ABTB3: variants seen among roughly 807,000 people sequenced by gnomAD.
The protein encoded by ABTB3 is ankyrin repeat and BTB domain containing 3.
chr12:107,623,663 G>A, the ABTB3 span, among the ~76,000 whole-genome samples: 82 of 152,154 alleles, frequency 5.4e-4, no homozygotes, highest in East Asian at 7.9e-3. Flanking sequence ...CACCACATCC[G>A]GCCTCTAGCT....
At chr12:107,345,121 G>A in the ABTB3 span, among the ~76,000 whole-genome samples, 2 of 152,162 alleles carry the variant, frequency 1.3e-5, no homozygotes, top group African/African-American at 4.8e-5. Context: ...TGGAAGGAGA[G>A]CCCCTTTTCA....
the ABTB3 span, among the ~76,000 whole-genome samples, chr12:107,470,741 G>C: frequency 6.6e-6 from 1 of 152,220 alleles, no homozygotes; most frequent in Non-Finnish European, 1.5e-5. Context: ...GGCTCTGGCT[G>C]GCTGGGCCTC....
At chr12:107,397,905 C>T in the ABTB3 span, among the ~76,000 whole-genome samples, 5 of 152,158 alleles carry the variant, frequency 3.3e-5, no homozygotes, top group Admixed American at 6.5e-5. Context: ...CCGTTCTGTG[C>T]TGCGTTGACA....
At chr12:107,487,882 A>T in the ABTB3 span, among the ~76,000 whole-genome samples, 1 of 151,932 alleles carries the variant, frequency 6.6e-6, no homozygotes, top group African/African-American at 2.4e-5. Context: ...AAGGGGTGAC[A>T]TTGGCAACAA....
chr12:107,611,479 T>C, the ABTB3 span, among the ~76,000 whole-genome samples: 1 of 152,220 alleles, frequency 6.6e-6, no homozygotes, highest in South Asian at 2.1e-4. Flanking sequence ...CTGGGCCCAG[T>C]GTCTTTTTTA....
chr12:107,424,463 A>G, the ABTB3 span, among the ~76,000 whole-genome samples: 193 of 152,308 alleles, frequency 1.3e-3, 1 homozygote, highest in African/African-American at 3.8e-3. Flanking sequence ...AGATGCAGTG[A>G]AAGAATTTAA....
At chr12:107,566,426 G>T in the ABTB3 span, among the ~76,000 whole-genome samples, 1 of 151,718 alleles carries the variant, frequency 6.6e-6, no homozygotes, top group African/African-American at 2.4e-5. Context: ...ACTCTGAAAG[G>T]GACTTGAGCC....
At chr12:107,451,630 G>C in the ABTB3 span, among the ~76,000 whole-genome samples, 29 of 152,062 alleles carry the variant, frequency 1.9e-4, no homozygotes, top group Non-Finnish European at 1.5e-5. Flanking sequence ...ACCCCTGCCT[G>C]GTTCCCCACC....
At chr12:107,454,588 C>T in the ABTB3 span, among the ~76,000 whole-genome samples, 4 of 152,164 alleles carry the variant, frequency 2.6e-5, no homozygotes, top group Non-Finnish European at 5.9e-5. Context: ...TGCATCTCTC[C>T]TTGATGATGC....
At chr12:107,560,800 T>C in the ABTB3 span, among the ~76,000 whole-genome samples, 1 of 152,216 alleles carries the variant, frequency 6.6e-6, no homozygotes, top group African/African-American at 2.4e-5. Flanking sequence ...CAAAGTTCAT[T>C]GCACGTGCAC....
At chr12:107,498,309 G>A in the ABTB3 span, among the ~76,000 whole-genome samples, 1 of 152,264 alleles carries the variant, frequency 6.6e-6, no homozygotes, top group Admixed American at 6.5e-5. Flanking sequence ...TTAGATGTCT[G>A]GACTTCTAGG....
chr12:107,529,251 A>T, the ABTB3 span, among the ~76,000 whole-genome samples: 3 of 147,828 alleles, frequency 2.0e-5, no homozygotes, highest in Admixed American at 2.0e-4. Context: ...GGAGATGATG[A>T]TGGTGGTCAT....
the ABTB3 span, among the ~76,000 whole-genome samples, chr12:107,630,285 AGAAT>A: frequency 6.6e-6 from 1 of 152,154 alleles, no homozygotes; most frequent in Non-Finnish European, 1.5e-5. Flanking sequence ...AAATATTTGG[AGAAT>A]GAATGAATGA....
the ABTB3 span, among the ~76,000 whole-genome samples, chr12:107,621,239 G>A: frequency 6.6e-6 from 1 of 151,988 alleles, no homozygotes; most frequent in African/African-American, 2.4e-5. Context: ...ATTTGTGCTT[G>A]AGGTCAAGAC....
At chr12:107,384,242 C>G in the ABTB3 span, among the ~76,000 whole-genome samples, 1 of 152,150 alleles carries the variant, frequency 6.6e-6, no homozygotes, top group African/African-American at 2.4e-5. Flanking sequence ...AATAAGGAAG[C>G]AGAAAAGACC....
the ABTB3 span, among the ~76,000 whole-genome samples, chr12:107,482,977 TTTCTTTCTTTCCTTCCTTCC>T: frequency 1.1e-4 from 6 of 52,238 alleles, no homozygotes; most frequent in African/African-American, 4.2e-4. Context: ...TCTTTCTTTC[TTTCTTTCTTTCCTTCCTTCC>T]TTCCTTCCTT....
the ABTB3 span, among the ~76,000 whole-genome samples, chr12:107,408,016 C>A: frequency 1.3e-5 from 2 of 151,800 alleles, no homozygotes; most frequent in East Asian, 1.9e-4. Flanking sequence ...GTCGTTGCAA[C>A]GAAATAAATA....
the ABTB3 span, chr12:107,659,558 A>G: frequency 6.6e-6 from 1 of 152,200 alleles, no homozygotes; most frequent in Non-Finnish European, 1.5e-5. Flanking sequence ...CCAGGCATTG[A>G]TTTGTACAGT....
At chr12:107,325,576 CAA>C in the ABTB3 span, among the ~76,000 whole-genome samples, 1 of 152,058 alleles carries the variant, frequency 6.6e-6, no homozygotes. Flanking sequence ...ATAAAAATAA[CAA>C]AATAAAAACA....
Sources: gnomAD v4.1 joint callset for allele counts (sites outside exome capture counted in the v4.1 genomes callset) on GRCh38, gnomAD v4.1.1 for gene constraint, MANE v1.5 for transcripts, NCBI Gene and HGNC (gene_info 2026-07-23, HGNC 2026-07-21) for gene names.